Variants in SPOUT1 observed in about 807,000 individuals in gnomAD.
The protein encoded by SPOUT1 is 28S rRNA (uridine-N(3))-methyltransferase.
SPOUT1 carries 40 observed loss-of-function variants against 54.8 expected under a neutral mutation model. The observed-to-expected ratio is 0.73, with a 90% CI of 0.57 to 0.95. The LOEUF (loss-of-function observed/expected upper bound fraction) is 0.95. Among genes scored for constraint, SPOUT1 ranks in the 40% least tolerant of loss-of-function variants. The probability of loss-of-function intolerance (pLI) is 0.00; values close to 1 mark genes in which losing one functional copy is unlikely to be tolerated. For missense variants in SPOUT1, 437 were observed against 499.5 expected, an observed-to-expected ratio of 0.87 and a Z score of 1.19; for synonymous variants, 193 against 200.3, an observed-to-expected ratio of 0.96 and a Z score of 0.31.
rs2293968 is a variant in SPOUT1, at chr9:128,824,961, G to C, written c.712+16C>G. On this transcript the variant is annotated intron_variant, in intron 8 of 11. Coordinates refer to ENST00000361256, the MANE Select transcript of SPOUT1 (RefSeq NM_016390.4). ...CTCATCAGGCCAACCCAGGGGTTGGGGAACCTTCCAGATACCTGGGTGCTG... is the reference window on the plus strand; with the variant it reads ...CTCATCAGGCCAACCCAGGGGTTGGCGAACCTTCCAGATACCTGGGTGCTG... The C allele has an allele frequency of 1.9e-6, 3 of 1,602,770 alleles. No homozygotes were observed. Among genetic ancestry groups the C allele is most frequent in the South Asian group, 2.2e-5 (2 of 90,024 alleles).
rs1019750656 is a variant in SPOUT1, at chr9:128,820,228, C to A, written c.*2537G>T. On this transcript the variant is annotated 3_prime_UTR_variant, in exon 12 of 12. Transcript: ENST00000361256. ...CCAATGGATGGAGACTGCCATGGGG[C>A]TCTGGGTGGAGCCCATGGGGCACCA... 1 of 155,128 alleles carries A rather than the reference C, an allele frequency of 6.4e-6. No individual in the cohort carries two copies. Among genetic ancestry groups the A allele is most frequent in the Non-Finnish European group, 1.4e-5 (1 of 69,892 alleles). The allele number at this position is 155,128 out of a possible 1,614,324, so 9.6% of individuals were successfully genotyped here.
chr9:128,825,690 G>A (rs777946872), intron 7 of SPOUT1, among the ~76,000 whole-genome samples: 1 of 152,224 alleles, frequency 6.6e-6, no homozygotes, highest in African/African-American at 2.4e-5. Flanking sequence ...CTGATTTGAG[G>A]AGGCTTGAGG....
Position 128,827,133 on chromosome 9 carries a change from C to T in SPOUT1, c.267G>A (p.Ser89=), listed in dbSNP as rs759344707. ...CGGCCAAGTAGGTGCGAAGCTCCGG[C>T]GACTGAGCATTGTCCAGGATGGAGC... ...LPGSILDNAQ[S]PELRTYLAGQ... is the part of the protein sequence containing the mutation. The change falls in exon 4 of 12, where the codon TCG becomes TCA. Residue 89 remains serine (S), a synonymous_variant. Coordinates refer to ENST00000361256, the MANE Select transcript of SPOUT1 (RefSeq NM_016390.4). 6.8e-6 allele frequency: 11 copies of T among 1,613,918 alleles called. No homozygotes were observed. Among genetic ancestry groups the T allele is most frequent in the Admixed American group, 1.7e-5 (1 of 60,016 alleles).
rs752863982 is a variant in SPOUT1 at position 128,822,744 on chromosome 9, G to A, written c.*21C>T. The A allele has an allele frequency of 1.3e-6, 2 of 1,563,766 alleles. No homozygotes were observed. Among genetic ancestry groups the A allele is most frequent in the East Asian group, 2.4e-5 (1 of 42,104 alleles). ...CTGGTTTCACTGCTGCTTCACTGAT[G>A]TCCTCGGCCCCTTAGAACTTTCAGG... On this transcript the variant is annotated 3_prime_UTR_variant, in exon 12 of 12. Transcript: ENST00000361256.
Position 128,822,399 on chromosome 9 carries a change from A to G in SPOUT1, c.*366T>C. The G allele has an allele frequency of 6.2e-7, 1 of 1,612,746 alleles. No homozygotes were observed. The highest frequency in any genetic ancestry group is 8.5e-7 in the Non-Finnish European group (1 of 1,179,524). On this transcript the variant is annotated 3_prime_UTR_variant, in exon 12 of 12. Transcript: ENST00000361256. Reference sequence around the variant, plus strand: ...AAGAACCACGTGGCAGTGCCCACACACTTCTTCAAGGTGCTGATCCTGGAG... The same window carrying G: ...AAGAACCACGTGGCAGTGCCCACACGCTTCTTCAAGGTGCTGATCCTGGAG...
chr9:128,823,026 C>A (rs1215726794), intron 11 of SPOUT1, among the ~76,000 whole-genome samples, 193 bp from the exon 12 acceptor site: 4 of 152,194 alleles, frequency 2.6e-5, no homozygotes, highest in Non-Finnish European at 4.4e-5. Flanking sequence ...ACACAGCCTG[C>A]TCCTCAGGCT....
intron 9 of SPOUT1, 115 bp from the exon 10 acceptor site, chr9:128,824,289 TGTGTGTGTGTGC>T: frequency 3.3e-6 from 2 of 609,680 alleles, no homozygotes; most frequent in Non-Finnish European, 6.0e-6. Context: ...GGTGTGTGTG[TGTGTGTGTGTGC>T]GTGTGTGTAC....
rs1481378232 is a variant in SPOUT1 at position 128,829,170 on chromosome 9, G to A, written c.37-15C>T. The A allele has an allele frequency of 5.0e-6, 8 of 1,612,068 alleles. No homozygotes were observed. In the African/African-American group the frequency reaches 9.3e-5, roughly 19 times the overall value. On this transcript the variant is annotated splice_polypyrimidine_tract_variant and intron_variant, in intron 1 of 11. Transcript: ENST00000361256. Reference sequence around the variant, plus strand: ...CCGTGTTCACCCTGGAGAAGGAGTGGTAGGAGGATTATGAGTGTGAGGCTG... The same window carrying A: ...CCGTGTTCACCCTGGAGAAGGAGTGATAGGAGGATTATGAGTGTGAGGCTG...
chr9:128,828,396 CGAGG>C (rs1227340105), intron 3 of SPOUT1, among the ~76,000 whole-genome samples: 1 of 150,752 alleles, frequency 6.6e-6, no homozygotes, highest in Non-Finnish European at 1.5e-5. Flanking sequence ...CTCGGGGGGC[CGAGG>C]GAGGAAAATT....
Position 128,821,000 on chromosome 9 carries a change from G to A in SPOUT1, c.*1765C>T. On this transcript the variant is annotated 3_prime_UTR_variant, in exon 12 of 12. Coordinates refer to ENST00000361256, the MANE Select transcript of SPOUT1 (RefSeq NM_016390.4). Reference sequence around the variant, plus strand: ...AAGCCTGTCAGCTTCCCTGCCTCGAGTCCCCTCATTCCACCTCCACAGCCA... The same window carrying A: ...AAGCCTGTCAGCTTCCCTGCCTCGAATCCCCTCATTCCACCTCCACAGCCA... The A allele has an allele frequency of 1.5e-6, 1 of 676,774 alleles. No individual in the cohort carries two copies. The highest frequency in any genetic ancestry group is 2.5e-6 in the Non-Finnish European group (1 of 393,574). The allele number at this position is 676,774 out of a possible 1,614,324, so 41.9% of individuals were successfully genotyped here. A position where few individuals can be genotyped will look rare whatever the true frequency, so the allele number is the denominator to read the frequency against.
Position 128,820,337 on chromosome 9 carries a change from C to T in SPOUT1, c.*2428G>A, listed in dbSNP as rs1254536770. 1.1e-5 allele frequency: 2 copies of T among 177,170 alleles called. No homozygotes were observed. The highest frequency in any genetic ancestry group is 1.6e-4 in the East Asian group (1 of 6,376). 11.0% of individuals were successfully genotyped at this position (177,170 alleles called of 1,614,324 possible). ...GGCCTGGAGAGCTCAGGATGGAGGTCGATTCATGGCATTCCCCGCTAGGCT... is the reference window on the plus strand; with the variant it reads ...GGCCTGGAGAGCTCAGGATGGAGGTTGATTCATGGCATTCCCCGCTAGGCT... On this transcript the variant is annotated 3_prime_UTR_variant, in exon 12 of 12. Transcript: ENST00000361256.
intron 9 of SPOUT1, among the ~76,000 whole-genome samples, chr9:128,824,550 C>T (rs1830200408): frequency 6.6e-6 from 1 of 152,138 alleles, no homozygotes; most frequent in Admixed American, 6.5e-5. Flanking sequence ...CCTACAGAAA[C>T]ATTATTGATC....
At position 128,825,268 on chromosome 9, in the gene SPOUT1, A is replaced by T. The variant is rs137958684; in HGVS notation, c.640-219T>A. Among the ~76,000 whole-genome samples the T allele has an allele frequency of 6.2e-3, 946 of 152,318 alleles. 7 individuals are homozygous for T. Among genetic ancestry groups the T allele is most frequent in the African/African-American group, 0.021 (878 of 41,554 alleles). On this transcript the variant is annotated intron_variant, in intron 7 of 11. Transcript: ENST00000361256. The stretch of plus-strand genomic sequence containing the variant: ...CCAAACATGCACCTTTGGGGCGCTC[A>T]TGGCACAGGATAGAAGTAGATGAAA...
chr9:128,826,357 T>C lies in SPOUT1; in HGVS notation c.508+27A>G, dbSNP rs560442274. The stretch of plus-strand genomic sequence containing the variant: ...TGTCTGTGGCATGATCCAGGGGAAA[T>C]GGGGGGGCGGGCCCATACAGCGTTA... On this transcript the variant is annotated intron_variant, in intron 6 of 11. Transcript: ENST00000361256. This position sits in a 1 kb window ranked among gnomAD's most constrained non-coding sequence, Gnocchi z 5.5. 2.7e-5 allele frequency: 44 copies of C among 1,608,820 alleles called. No individual in the cohort carries two copies. In the South Asian group the frequency reaches 4.3e-4, roughly 16 times the overall value.
In SPOUT1 at chr9:128,826,358, G is replaced by C. The variant is rs371840984; in HGVS notation, c.508+26C>G. The C allele has an allele frequency of 1.2e-4, 187 of 1,608,668 alleles. 1 individual carries two copies. In the African/African-American group the frequency reaches 2.0e-3, roughly 17 times the overall value. The stretch of plus-strand genomic sequence containing the variant: ...GTCTGTGGCATGATCCAGGGGAAAT[G>C]GGGGGGCGGGCCCATACAGCGTTAC... On this transcript the variant is annotated intron_variant, in intron 6 of 11. Coordinates refer to ENST00000361256, the MANE Select transcript of SPOUT1 (RefSeq NM_016390.4). This position sits in a 1 kb window ranked among gnomAD's most constrained non-coding sequence, Gnocchi z 5.5.
chr9:128,824,467 C>G (rs1049379197), intron 9 of SPOUT1, among the ~76,000 whole-genome samples: 2 of 152,130 alleles, frequency 1.3e-5, no homozygotes, highest in Admixed American at 1.3e-4. Flanking sequence ...AGGGCAGAGA[C>G]TGGATAGGAA....
intron 3 of SPOUT1, 74 bp downstream of exon 3, chr9:128,828,661 A>C (rs1321689050): frequency 1.3e-6 from 2 of 1,536,832 alleles, no homozygotes; most frequent in East Asian, 4.5e-5. Context: ...CTTTCAGATA[A>C]GACATCTCTG....
Position 128,826,212 on chromosome 9 carries a change from G to A in SPOUT1, c.509-60C>T, listed in dbSNP as rs922924646. On this transcript the variant is annotated intron_variant, in intron 6 of 11. Coordinates refer to ENST00000361256, the MANE Select transcript of SPOUT1 (RefSeq NM_016390.4). This position sits in a 1 kb window ranked among gnomAD's most constrained non-coding sequence, Gnocchi z 5.5. ...GCTAGGGCACACAGGGTGCAGTGGG[G>A]ACCCTGGAGCGGAGTACCGGCTCTG... 6.4e-6 allele frequency: 10 copies of A among 1,564,228 alleles called. No individual in the cohort carries two copies. In the African/African-American group the frequency reaches 8.1e-5, roughly 13 times the overall value.
Position 128,822,171 on chromosome 9 carries a change from T to C in SPOUT1, c.*594A>G. On this transcript the variant is annotated 3_prime_UTR_variant, in exon 12 of 12. Coordinates refer to ENST00000361256, the MANE Select transcript of SPOUT1 (RefSeq NM_016390.4). ...AACCACCCTGGAGAGAGTTCCAGCCTCAAGGAGGAGCCAGGCAGGCTACAG... is the reference window on the plus strand; with the variant it reads ...AACCACCCTGGAGAGAGTTCCAGCCCCAAGGAGGAGCCAGGCAGGCTACAG... 3.5e-6 allele frequency: 3 copies of C among 848,348 alleles called. 1 individual carries two copies. Among genetic ancestry groups the C allele is most frequent in the Admixed American group, 5.6e-5 (2 of 35,842 alleles). 52.6% of individuals were successfully genotyped at this position (848,348 alleles called of 1,614,324 possible).
Sources: gnomAD v4.1 joint callset for allele counts (sites outside exome capture counted in the v4.1 genomes callset) on GRCh38, gnomAD v4.1.1 for gene constraint, Gnocchi (gnomAD v3.1) non-coding constraint, MANE v1.5 for transcripts, NCBI Gene and HGNC (gene_info 2026-07-23, HGNC 2026-07-21) for gene names.